The following SHANK2 variants were observed in gnomAD, a reference collection of about 807,000 sequenced individuals.
SHANK2 encodes the protein SH3 and multiple ankyrin repeat domains 2.
Under a neutral mutation model 133.7 loss-of-function variants are expected in SHANK2, and 43 were observed. That is an observed-to-expected ratio of 0.32 (90% confidence interval 0.25 to 0.41). The LOEUF (loss-of-function observed/expected upper bound fraction) is 0.41, where lower values mean the gene tolerates loss of function less well. Among genes scored for constraint, SHANK2 ranks in the 10% least tolerant of loss-of-function variants. SHANK2 has a pLI of 1.00. For synonymous variants in SHANK2, 1,017 were observed against 952.8 expected, an observed-to-expected ratio of 1.07 and a Z score of -1.24; for missense variants, 1,994 against 2,235.8, an observed-to-expected ratio of 0.89 and a Z score of 2.18.
At chr11:70,522,904 T>G (rs969996479) in intron 17 of SHANK2, among the ~76,000 whole-genome samples, 1 of 152,090 alleles carries the variant, frequency 6.6e-6, no homozygotes, top group African/African-American at 2.4e-5. Flanking sequence ...GCGGCCACAG[T>G]TGCCCCGGCA....
chr11:70,927,712 A>C (rs1204282786), intron 10 of SHANK2, among the ~76,000 whole-genome samples: 1 of 152,084 alleles, frequency 6.6e-6, no homozygotes, highest in Non-Finnish European at 1.5e-5. Flanking sequence ...GTAAACTGTT[A>C]TTTCTGGGTC....
intron 14 of SHANK2, among the ~76,000 whole-genome samples, chr11:70,731,674 T>C: frequency 6.6e-6 from 1 of 152,240 alleles, no homozygotes; most frequent in Non-Finnish European, 1.5e-5. Flanking sequence ...TCTGGGCTGC[T>C]TCTGCTTTCT....
In SHANK2 at chr11:70,529,231, G is replaced by T. The variant is rs548879603; in HGVS notation, c.2062-26300C>A. Among the ~76,000 whole-genome samples, 44 of 152,326 alleles carry T rather than the reference G, an allele frequency of 2.9e-4. 1 individual carries two copies. In the East Asian group the frequency reaches 7.5e-3, roughly 26 times the overall value. On this transcript the variant is annotated intron_variant, in intron 17 of 25. Transcript: ENST00000601538. Reference sequence around the variant, plus strand: ...GGCACCCACTACTTGCAACAGCAGGGTCTGTACCCACTGCAGAATCTCACC... The same window carrying T: ...GGCACCCACTACTTGCAACAGCAGGTTCTGTACCCACTGCAGAATCTCACC...
chr11:71,241,103 G>A (rs1232342112), intron 1 of SHANK2, among the ~76,000 whole-genome samples: 1 of 152,198 alleles, frequency 6.6e-6, no homozygotes, highest in Non-Finnish European at 1.5e-5. Context: ...ACTGGTGAAA[G>A]CTAGCTCTGT....
chr11:71,081,232 C>A (rs1028424982), intron 8 of SHANK2, among the ~76,000 whole-genome samples: 1 of 152,152 alleles, frequency 6.6e-6, no homozygotes, highest in Non-Finnish European at 1.5e-5. Context: ...AGCCCTGCGA[C>A]GCCTTCGTTT....
chr11:71,130,046 T>C (rs1478563433), intron 3 of SHANK2, among the ~76,000 whole-genome samples: 2 of 152,214 alleles, frequency 1.3e-5, no homozygotes, highest in Non-Finnish European at 2.9e-5. Flanking sequence ...TCACCTCCTC[T>C]TCTCATAAGG....
chr11:70,701,772 T>TC (rs1945526245), intron 14 of SHANK2, among the ~76,000 whole-genome samples: 1 of 152,152 alleles, frequency 6.6e-6, no homozygotes, highest in Non-Finnish European at 1.5e-5. Context: ...GCACAGGCCT[T>TC]CCCTGTCTCC....
intron 17 of SHANK2, among the ~76,000 whole-genome samples, chr11:70,609,823 C>CATATCTATATTGTATATTT (rs2060635448): frequency 2.5e-4 from 2 of 8,108 alleles, no homozygotes; most frequent in Admixed American, 1.3e-3. Flanking sequence ...ATTGTATATT[C>CATATCTATATTGTATATTT]CATAATATAC....
At chr11:71,132,375 G>A (rs1413678200) in intron 3 of SHANK2, among the ~76,000 whole-genome samples, 4 of 152,124 alleles carry the variant, frequency 2.6e-5, no homozygotes, top group Non-Finnish European at 5.9e-5. Context: ...AAGAGGGGAC[G>A]GCTGCTCCTC....
chr11:71,196,796 G>A (rs1953913379), intron 2 of SHANK2, among the ~76,000 whole-genome samples: 1 of 151,612 alleles, frequency 6.6e-6, no homozygotes, highest in African/African-American at 2.4e-5. Context: ...TCAGGAGTTT[G>A]AGACCAGCCT....
intron 6 of SHANK2, among the ~76,000 whole-genome samples, chr11:71,097,368 C>T (rs1379351476): frequency 6.6e-6 from 1 of 152,148 alleles, no homozygotes; most frequent in Non-Finnish European, 1.5e-5. Context: ...CACCCAGTGA[C>T]TGCACTATCA....
intron 14 of SHANK2, among the ~76,000 whole-genome samples, chr11:70,703,093 G>A (rs545130047): frequency 6.6e-6 from 1 of 152,206 alleles, no homozygotes; most frequent in Non-Finnish European, 1.5e-5. Context: ...GTGGGCCTCC[G>A]ACCTCAGATC....
At chr11:70,573,497 A>G (rs532571068) in intron 17 of SHANK2, among the ~76,000 whole-genome samples, 1 of 131,692 alleles carries the variant, frequency 7.6e-6, no homozygotes, top group African/African-American at 2.9e-5. Context: ...GTGTATCATG[A>G]TATGACCGAT....
chr11:70,841,257 C>T (rs1000473472), intron 11 of SHANK2, among the ~76,000 whole-genome samples: 4 of 152,062 alleles, frequency 2.6e-5, no homozygotes, highest in African/African-American at 7.2e-5. Flanking sequence ...GGTGGCGGAG[C>T]GAGACTCCGT....
rs192051353 is a variant in SHANK2, at chr11:71,093,057, G to C, written c.745-468C>G. Among the ~76,000 whole-genome samples, 30 of 145,470 alleles carry C rather than the reference G, an allele frequency of 2.1e-4. 4 individuals carry two copies. In the South Asian group the frequency reaches 6.4e-3, roughly 31 times the overall value. On this transcript the variant is annotated intron_variant, in intron 7 of 25. Transcript: ENST00000601538. ...AGCTCAGTCTCAAAAATAAAGGGGG[G>C]GGGGGGCAGGTATAACTTTAGACAA...
At chr11:70,918,618 G>C (rs2135751809) in intron 10 of SHANK2, among the ~76,000 whole-genome samples, 1 of 152,208 alleles carries the variant, frequency 6.6e-6, no homozygotes, top group Admixed American at 6.5e-5. Context: ...TGATTCTCCG[G>C]CCTCAGCCTC....
At chr11:71,197,009 A>C (rs1001707745) in intron 2 of SHANK2, among the ~76,000 whole-genome samples, 34 of 149,272 alleles carry the variant, frequency 2.3e-4, no homozygotes, top group Non-Finnish European at 4.1e-4. Context: ...AAAAAAAAAA[A>C]AAAAAAAAAA....
intron 10 of SHANK2, among the ~76,000 whole-genome samples, chr11:70,934,657 TTA>T (rs1387996184): frequency 3.9e-5 from 6 of 152,208 alleles, no homozygotes; most frequent in Admixed American, 2.0e-4. Flanking sequence ...GCTCCTTATT[TTA>T]TGTCCCAATG....
At chr11:71,068,202 A>G (rs1332971735) in intron 9 of SHANK2, among the ~76,000 whole-genome samples, 1 of 152,186 alleles carries the variant, frequency 6.6e-6, no homozygotes, top group Admixed American at 6.5e-5. Context: ...CTACAAGTAG[A>G]AAGAGGAAGG....
Sources: allele counts gnomAD v4.1 joint callset (sites outside exome capture counted in the v4.1 genomes callset), GRCh38; gene constraint gnomAD v4.1.1; transcripts MANE v1.5; gene names NCBI Gene and HGNC (gene_info 2026-07-23, HGNC 2026-07-21).